The following FPGT variants were observed in gnomAD, a reference collection of about 807,000 sequenced individuals.
FPGT encodes the protein GDP-L-fucose diphosphorylase.
FPGT carries 41 observed loss-of-function variants against 45.8 expected under a neutral mutation model. That is an observed-to-expected ratio of 0.90 (90% CI 0.70 to 1.16). The LOEUF (loss-of-function observed/expected upper bound fraction) is 1.16. Ranked by LOEUF, FPGT falls within the 50% of genes most tolerant of loss-of-function variation. FPGT has a pLI of 0.00. For missense variants in FPGT, 755 were observed against 689.1 expected, an observed-to-expected ratio of 1.10 and a Z score of -1.07; for synonymous variants, 292 against 247.2, an observed-to-expected ratio of 1.18 and a Z score of -1.70.
chr1:74,198,777 G>T (rs1651471047), intron 1 of FPGT, among the ~76,000 whole-genome samples: 1 of 151,962 alleles, frequency 6.6e-6, no homozygotes, highest in Admixed American at 6.6e-5. Flanking sequence ...GTAACCGTTT[G>T]TTGAGGGAGT....
In FPGT at chr1:74,201,404, C is replaced by G. The variant is rs1651785389; in HGVS notation, c.337C>G (p.His113Asp). Residue 113 changes from histidine to aspartate, a missense_variant, in exon 3 of 4, where the codon CAC becomes GAC. Coordinates refer to ENST00000370898, the MANE Select transcript of FPGT (RefSeq NM_003838.5). Reference protein sequence around the residue: ...KWNSFTILLIHSGGYSQRLPN... With the variant: ...KWNSFTILLIDSGGYSQRLPN... ...GAATTCTTTTACCATCTTATTAATT[C>G]ACTCTGGTAATGTTATACTTTACTA... 2 of 1,598,350 alleles carry G rather than the reference C, an allele frequency of 1.3e-6. No homozygotes were observed. Among genetic ancestry groups the G allele is most frequent in the Middle Eastern group, 1.7e-4 (1 of 5,992 alleles).
At position 74,204,565 on chromosome 1, in the gene FPGT, A is replaced by T; in HGVS notation, c.518A>T (p.Tyr173Phe). 1.9e-6 allele frequency: 3 copies of T among 1,609,472 alleles called. No individual in the cohort carries two copies. Among genetic ancestry groups the T allele is most frequent in the South Asian group, 1.1e-5 (1 of 90,964 alleles). Residue 173 changes from tyrosine to phenylalanine, a missense_variant, in exon 4 of 4, where the codon TAT becomes TTT. Tyr to Phe is a conservative substitution (Grantham distance 22). Coordinates refer to ENST00000370898, the MANE Select transcript of FPGT (RefSeq NM_003838.5). ...ACCTGTGCAGATGATATTGAACTTT[A>T]TAGTATTGGAGAATTTGAGTTTATT... ...LVTCADDIEL[Y>F]SIGEFEFIRF...
chr1:74,205,345 A>G lies in FPGT; in HGVS notation c.1298A>G (p.Asn433Ser). 1.9e-6 allele frequency: 3 copies of G among 1,614,094 alleles called. No homozygotes were observed. The Middle Eastern group carries it at 4.9e-4, about 266-fold the overall frequency. Residue 433 changes from asparagine (N) to serine (S), a missense_variant, in exon 4 of 4, where the codon AAC becomes AGC. Transcript: ENST00000370898. ...GGGCCTGATGTTTCAGTTGGGGAAA[A>G]CTGCATTATTAGTGGTTCTTACATC... ...RLGPDVSVGE[N>S]CIISGSYILT... is the part of the protein sequence containing the mutation.
rs1651412889 is a variant in FPGT, at chr1:74,198,374, CA to C, written c.82+15del. On this transcript the variant is annotated intron_variant, in intron 1 of 3. Coordinates refer to ENST00000370898, the MANE Select transcript of FPGT (RefSeq NM_003838.5). ...CCGAGCTAAGAGGTACCAGAGAAGGCACCGGAGTTCTCCTGGGCAATGCAGA... is the reference window on the plus strand; with the variant it reads ...CCGAGCTAAGAGGTACCAGAGAAGGCCCGGAGTTCTCCTGGGCAATGCAGA... 3 of 1,613,888 alleles carry C rather than the reference CA, an allele frequency of 1.9e-6. No homozygotes were observed. Among genetic ancestry groups the C allele is most frequent in the African/African-American group, 2.7e-5 (2 of 74,922 alleles).
chr1:74,199,833 T>C lies in FPGT; in HGVS notation c.250+2T>C. On this transcript the variant is annotated splice_donor_variant, in intron 2 of 3. Coordinates refer to ENST00000370898, the MANE Select transcript of FPGT (RefSeq NM_003838.5). LOFTEE classifies it high-confidence loss of function. Reference sequence around the variant, plus strand: ...TGGATCCTGCTGGAGCCAAAATTGGTACGCGCTTTATGGTCAGTTTTATAA... The same window carrying C: ...TGGATCCTGCTGGAGCCAAAATTGGCACGCGCTTTATGGTCAGTTTTATAA... The C allele has an allele frequency of 6.2e-7, 1 of 1,613,064 alleles. No homozygotes were observed. The highest frequency in any genetic ancestry group is 8.5e-7 in the Non-Finnish European group (1 of 1,179,718).
At position 74,198,320 on chromosome 1, in the gene FPGT, A is replaced by T; in HGVS notation, c.42A>T (p.Glu14Asp). The part of the protein sequence containing the change: ...ARDPPEVSLR[E>D]ATQRKLRRFS... ...ACCCTCCGGAAGTATCGCTGCGAGA[A>T]GCCACCCAGCGAAAATTGCGGAGGT... is the stretch of plus-strand genomic sequence containing the variant. Residue 14 changes from glutamate to aspartate, a missense_variant, in exon 1 of 4, where the codon GAA (glutamate) becomes GAT (aspartate). Glu to Asp is a conservative substitution (Grantham distance 45). Transcript: ENST00000370898. 6.2e-7 allele frequency: 1 copy of T among 1,614,180 alleles called. No homozygotes were observed. The highest frequency in any genetic ancestry group is 8.5e-7 in the Non-Finnish European group (1 of 1,180,028).
Position 74,205,527 on chromosome 1 carries a change from G to A in FPGT, c.1480G>A (p.Gly494Arg), listed in dbSNP as rs768777994. Residue 494 changes from glycine to arginine, a missense_variant, in exon 4 of 4, where the codon GGA becomes AGA. Gly to Arg is a moderately radical substitution (Grantham distance 125, BLOSUM62 -2). Transcript: ENST00000370898. Reference protein sequence around the residue: ...LSDIKLLQFFGVCFLSCLDVW... With the variant: ...LSDIKLLQFFRVCFLSCLDVW... ...AGATATAAAGTTACTTCAATTCTTT[G>A]GAGTCTGTTTCCTGTCATGCTTAGA... The A allele has an allele frequency of 2.5e-6, 4 of 1,612,806 alleles. No individual in the cohort carries two copies. Among genetic ancestry groups the A allele is most frequent in the Non-Finnish European group, 3.4e-6 (4 of 1,178,906 alleles).
intron 2 of FPGT, 59 bp downstream of exon 2, chr1:74,199,890 A>G: frequency 6.4e-7 from 1 of 1,560,776 alleles, no homozygotes; most frequent in Non-Finnish European, 8.7e-7. Flanking sequence ...TCATTGAAGA[A>G]AAGGTTTCTG....
In FPGT at chr1:74,207,169, G is replaced by T. The variant is rs1652348354; in HGVS notation, c.*1337G>T. 6.6e-6 allele frequency: 1 copy of T among 152,100 alleles called. No homozygotes were observed. Among genetic ancestry groups the T allele is most frequent in the East Asian group, 1.9e-4 (1 of 5,174 alleles). The allele number at this position is 152,100 out of a possible 1,614,324, so 9.4% of individuals were successfully genotyped here. A position where few individuals can be genotyped will look rare whatever the true frequency, so the allele number is the denominator to read the frequency against. ...AAATCTGAAGTGCCATCAGTTATAA[G>T]AATCACCATTATTTTATGTTCCATT... On this transcript the variant is annotated 3_prime_UTR_variant, in exon 4 of 4. Coordinates refer to ENST00000370898, the MANE Select transcript of FPGT (RefSeq NM_003838.5).
In FPGT at chr1:74,204,437, T is replaced by G. The variant is rs1441051267; in HGVS notation, c.390T>G (p.Ile130Met). 5.0e-6 allele frequency: 8 copies of G among 1,598,322 alleles called. No individual in the cohort carries two copies. The change falls in exon 4 of 4, where the codon ATT becomes ATG. Residue 130 changes from isoleucine to methionine, a missense_variant. Physicochemically the swap from Ile to Met is conservative, Grantham distance 10. Coordinates refer to ENST00000370898, the MANE Select transcript of FPGT (RefSeq NM_003838.5). ...CAAATGCAAGTGCTCTGGGAAAAAT[T>G]TTCACTGCTTTACCTCTTGGTAACC... ...RLPNASALGKIFTALPLGNPI... is the reference protein window; with the variant it reads ...RLPNASALGKMFTALPLGNPI...
At chr1:74,200,497 C>CTTTTTTTTTTTTTTTTTTTTTTTTTTTT (rs202228945) in intron 2 of FPGT, among the ~76,000 whole-genome samples, 1 of 106,566 alleles carries the variant, frequency 9.4e-6, no homozygotes, top group Non-Finnish European at 1.8e-5. Flanking sequence ...GTTATTATTT[C>CTTTTTTTTTTTTTTTTTTTTTTTTTTTT]TTTTTTTTTT....
Position 74,205,681 on chromosome 1 carries a change from T to G in FPGT, c.1634T>G (p.Leu545Ter). The G allele has an allele frequency of 6.2e-7, 1 of 1,612,544 alleles. No individual in the cohort carries two copies. The highest frequency in any genetic ancestry group is 8.5e-7 in the Non-Finnish European group (1 of 1,178,618). Reference sequence around the variant, plus strand: ...TCAGTTATAACATCCCTAAAGATGTTAAATGCTGTTAAGAACAAGTCAGCA... The same window carrying G: ...TCAGTTATAACATCCCTAAAGATGTGAAATGCTGTTAAGAACAAGTCAGCA... Reference protein sequence around the residue: ...SDSVITSLKMLNAVKNKSAFS... With the variant: ...SDSVITSLKM Residue 545 changes from leucine to a stop codon, truncating the protein, a stop_gained, in exon 4 of 4, where the codon TTA becomes TGA. Coordinates refer to ENST00000370898, the MANE Select transcript of FPGT (RefSeq NM_003838.5). LOFTEE classifies it high-confidence loss of function.
chr1:74,199,606 G>A (rs1651577373), intron 1 of FPGT, 58 bp from the exon 2 acceptor site: 4 of 1,568,038 alleles, frequency 2.6e-6, no homozygotes, highest in African/African-American at 1.4e-5. Flanking sequence ...AGGCAAACCT[G>A]TGGCAACTAG....
At chr1:74,198,448 C>T (rs1199733757) in intron 1 of FPGT, 88 bp downstream of exon 1, 1 of 1,555,058 alleles carries the variant, frequency 6.4e-7, no homozygotes, top group Non-Finnish European at 8.7e-7. Context: ...TGTCACTTCC[C>T]GTTTACTTCT....
chr1:74,199,912 G>T, intron 2 of FPGT, 81 bp downstream of exon 2: 1 of 1,466,296 alleles, frequency 6.8e-7, no homozygotes, highest in South Asian at 1.4e-5. Context: ...GACTTACAGT[G>T]TATAAGCTGC....
intron 1 of FPGT, among the ~76,000 whole-genome samples, chr1:74,198,649 A>T (rs903345262): frequency 6.6e-6 from 1 of 152,198 alleles, no homozygotes; most frequent in Non-Finnish European, 1.5e-5. Context: ...TAGCTCATTA[A>T]TAAAAGTTGC....
At chr1:74,198,773 G>A (rs1177262330) in intron 1 of FPGT, among the ~76,000 whole-genome samples, 1 of 152,058 alleles carries the variant, frequency 6.6e-6, no homozygotes, top group Non-Finnish European at 1.5e-5. Context: ...TAATGTAACC[G>A]TTTGTTGAGG....
chr1:74,199,824 C>A lies in FPGT; in HGVS notation c.243C>A (p.Ala81=), dbSNP rs202243065. The A allele has an allele frequency of 6.2e-7, 1 of 1,613,188 alleles. No homozygotes were observed. The highest frequency in any genetic ancestry group is 8.5e-7 in the Non-Finnish European group (1 of 1,179,750). Residue 81 remains alanine, a synonymous_variant, in exon 2 of 4, where the codon GCC becomes GCA. Transcript: ENST00000370898. ...ACGTTTTTGTGGATCCTGCTGGAGC[C>A]AAAATTGGTACGCGCTTTATGGTCA... ...QYHVFVDPAG[A]KIGNGGSTLC...
In FPGT at chr1:74,205,670, C is replaced by T. The variant is rs762651188; in HGVS notation, c.1623C>T (p.Ser541=). The T allele has an allele frequency of 6.2e-7, 1 of 1,607,810 alleles. No individual in the cohort carries two copies. The highest frequency in any genetic ancestry group is 8.5e-7 in the Non-Finnish European group (1 of 1,174,352). The part of the protein sequence containing the change: ...CSSLSDSVIT[S]LKMLNAVKNK... ...CTTTGAGTGACTCAGTTATAACATC[C>T]CTAAAGATGTTAAATGCTGTTAAGA... The change falls in exon 4 of 4, where the codon TCC becomes TCT. Residue 541 remains serine, a synonymous_variant. Transcript: ENST00000370898.
Sources: allele counts gnomAD v4.1 joint callset (sites outside exome capture counted in the v4.1 genomes callset), GRCh38; gene constraint gnomAD v4.1.1; transcripts MANE v1.5; gene names NCBI Gene and HGNC (gene_info 2026-07-23, HGNC 2026-07-21).